CFAP61: variants seen among roughly 807,000 people sequenced by gnomAD.
CFAP61 encodes the protein cilia and flagella associated protein 61.
A neutral mutation model predicts 135.6 loss-of-function variants in CFAP61; 107 were observed. The observed-to-expected ratio is 0.79, with a 90% CI of 0.67 to 0.93. CFAP61 has a LOEUF of 0.93. Ranked by LOEUF, CFAP61 falls within the 40% of genes least tolerant of loss-of-function variation. CFAP61 has a pLI of 0.00. For synonymous variants in CFAP61, 575 were observed against 578.5 expected, an observed-to-expected ratio of 0.99 and a Z score of 0.09; for missense variants, 1,507 against 1,556.2, an observed-to-expected ratio of 0.97 and a Z score of 0.53.
In CFAP61 at chr20:20,074,390, T is replaced by C. The variant is rs557154709; in HGVS notation, c.371+12T>C. On this transcript the variant is annotated intron_variant, in intron 4 of 26. Transcript: ENST00000245957. ...AAAGAGATTCTTCGGTGAGTGGATA[T>C]GGCCGTGCAGTGGTGAACATGAAAG... The C allele has an allele frequency of 1.1e-3, 1,756 of 1,611,046 alleles. 26 individuals are homozygous for C. The South Asian group carries it at 0.018, about 17-fold the overall frequency.
chr20:20,259,125 G>T (rs2051927217), intron 20 of CFAP61, among the ~76,000 whole-genome samples: 1 of 151,734 alleles, frequency 6.6e-6, no homozygotes, highest in Non-Finnish European at 1.5e-5. Context: ...AGTCAAATAA[G>T]CAGTTCAAAA....
chr20:20,347,016 G>A (rs1218533762), intron 26 of CFAP61, among the ~76,000 whole-genome samples: 3 of 152,138 alleles, frequency 2.0e-5, no homozygotes, highest in African/African-American at 7.2e-5. Flanking sequence ...CACAAAACAA[G>A]TGTCAATACA....
intron 9 of CFAP61, among the ~76,000 whole-genome samples, chr20:20,144,165 C>CT (rs2051662070): frequency 6.6e-6 from 1 of 152,068 alleles, no homozygotes. Context: ...TTACTTGGCA[C>CT]CCACCAAGAT....
At chr20:20,265,175 GCA>G (rs1387636169) in intron 21 of CFAP61, among the ~76,000 whole-genome samples, 1 of 152,166 alleles carries the variant, frequency 6.6e-6, no homozygotes, top group Non-Finnish European at 1.5e-5. Flanking sequence ...AAGACAAAAT[GCA>G]CAGTTCATCT....
chr20:20,073,404 C>T (rs144799919), intron 3 of CFAP61, among the ~76,000 whole-genome samples: 2 of 152,298 alleles, frequency 1.3e-5, no homozygotes, highest in East Asian at 3.9e-4. Context: ...ACACACCATC[C>T]GACAGAAGTG....
At chr20:20,357,012 C>T (rs1477266293) in intron 26 of CFAP61, among the ~76,000 whole-genome samples, 1 of 114,354 alleles carries the variant, frequency 8.7e-6, no homozygotes, top group East Asian at 2.7e-4. Flanking sequence ...GAGGTGGTCA[C>T]ACTGTGAGGG....
intron 8 of CFAP61, among the ~76,000 whole-genome samples, chr20:20,118,253 G>GTTTGTTTGTTTGTTTGTTTC (rs1555872842): frequency 5.3e-4 from 74 of 138,606 alleles, no homozygotes; most frequent in African/African-American, 2.0e-3. Flanking sequence ...TTTGAGGTAT[G>GTTTGTTTGTTTGTTTGTTTC]TTTCTTTCTT....
chr20:20,106,822 T>C (rs1250534894), intron 8 of CFAP61, among the ~76,000 whole-genome samples: 1 of 152,160 alleles, frequency 6.6e-6, no homozygotes, highest in Admixed American at 6.5e-5. Flanking sequence ...CATTTTCAGA[T>C]GGAAGGCTGA....
chr20:20,339,783 C>A (rs1209731589), intron 25 of CFAP61, among the ~76,000 whole-genome samples: 1 of 152,086 alleles, frequency 6.6e-6, no homozygotes, highest in Non-Finnish European at 1.5e-5. Flanking sequence ...ATACCTGGTT[C>A]CTAAAACTTT....
intron 22 of CFAP61, among the ~76,000 whole-genome samples, chr20:20,286,941 A>T (rs2054627023): frequency 6.6e-6 from 1 of 152,260 alleles, no homozygotes; most frequent in Non-Finnish European, 1.5e-5. Flanking sequence ...TTCTGTGAGG[A>T]TGCTGAAGGA....
At chr20:20,207,527 A>G (rs981645387) in intron 17 of CFAP61, among the ~76,000 whole-genome samples, 1 of 152,210 alleles carries the variant, frequency 6.6e-6, no homozygotes, top group Non-Finnish European at 1.5e-5. Context: ...CTGAGCTCCC[A>G]GGCAGAAACT....
intron 21 of CFAP61, among the ~76,000 whole-genome samples, chr20:20,266,524 C>T (rs372439095): frequency 1.4e-4 from 21 of 152,280 alleles, no homozygotes; most frequent in African/African-American, 4.1e-4. Flanking sequence ...TAACTCTTTT[C>T]CTTACCTCCC....
intron 17 of CFAP61, among the ~76,000 whole-genome samples, chr20:20,217,714 A>G (rs970540386): frequency 6.6e-6 from 1 of 152,230 alleles, no homozygotes; most frequent in Non-Finnish European, 1.5e-5. Context: ...GCAGAGATTT[A>G]CCAAATAATG....
intron 17 of CFAP61, among the ~76,000 whole-genome samples, chr20:20,207,479 C>A (rs2056907993): frequency 6.6e-6 from 1 of 152,224 alleles, no homozygotes. Flanking sequence ...TGCTGCAGAG[C>A]TCTGGAAGCC....
At chr20:20,076,020 T>C (rs2046025237) in intron 6 of CFAP61, among the ~76,000 whole-genome samples, 1 of 152,184 alleles carries the variant, frequency 6.6e-6, no homozygotes, top group Non-Finnish European at 1.5e-5. Flanking sequence ...GTTTTCCAAA[T>C]TGAAGGTCTC....
intron 2 of CFAP61, among the ~76,000 whole-genome samples, chr20:20,068,160 G>T (rs547680629): frequency 6.6e-6 from 1 of 152,196 alleles, no homozygotes; most frequent in Non-Finnish European, 1.5e-5. Context: ...ATTGTTCTTT[G>T]CTTCCCTGAG....
chr20:20,278,003 C>T (rs191947811), intron 22 of CFAP61, among the ~76,000 whole-genome samples: 4 of 152,314 alleles, frequency 2.6e-5, no homozygotes, highest in Non-Finnish European at 5.9e-5. Flanking sequence ...TTCCTCCCAC[C>T]ACATTCTATT....
At chr20:20,132,645 GCTGT>G (rs776428369) in intron 8 of CFAP61, among the ~76,000 whole-genome samples, 28 of 151,876 alleles carry the variant, frequency 1.8e-4, no homozygotes, top group Non-Finnish European at 3.4e-4. Context: ...CTACTCATAG[GCTGT>G]CTATCATTTT....
chr20:20,182,602 G>A (rs963135250), intron 13 of CFAP61, among the ~76,000 whole-genome samples: 2 of 152,182 alleles, frequency 1.3e-5, no homozygotes, highest in East Asian at 1.9e-4. Flanking sequence ...TTGTGATGGA[G>A]TGAATGAATG....
Sources: allele counts gnomAD v4.1 joint callset (sites outside exome capture counted in the v4.1 genomes callset), GRCh38; gene constraint gnomAD v4.1.1; transcripts MANE v1.5; gene names NCBI Gene and HGNC (gene_info 2026-07-23, HGNC 2026-07-21).